Variants in CDH12 observed in about 807,000 individuals in gnomAD.
CDH12 encodes the protein cadherin 12.
In CDH12, 41 loss-of-function variants were observed where a neutral mutation model predicts 74.1. The ratio of observed to expected loss-of-function variants is 0.55; its 90% confidence interval spans 0.43 to 0.72. The LOEUF is 0.72. Ranked by LOEUF, CDH12 falls within the 30% of genes least tolerant of loss-of-function variation. CDH12 has a pLI of 0.00. For synonymous variants in CDH12, 399 were observed against 355.0 expected, an observed-to-expected ratio of 1.12 and a Z score of -1.39; for missense variants, 945 against 977.2, an observed-to-expected ratio of 0.97 and a Z score of 0.44.
chr5:22,246,923 G>C (rs1752965402), intron 3 of CDH12, among the ~76,000 whole-genome samples: 1 of 152,054 alleles, frequency 6.6e-6, no homozygotes. Context: ...AGTTGGCATT[G>C]TTTGAAGAAA....
At chr5:21,959,818 C>T (rs1191687413) in intron 6 of CDH12, among the ~76,000 whole-genome samples, 5 of 145,802 alleles carry the variant, frequency 3.4e-5, no homozygotes, top group South Asian at 2.2e-4. Flanking sequence ...CCCAGCTACT[C>T]GGGAGGCTGA....
At chr5:21,822,784 T>G (rs1748445756) in intron 8 of CDH12, among the ~76,000 whole-genome samples, 1 of 152,104 alleles carries the variant, frequency 6.6e-6, no homozygotes, top group Non-Finnish European at 1.5e-5. Context: ...TAACTAACCA[T>G]ATACATGAAT....
chr5:22,436,169 C>CA (rs1315595544), intron 2 of CDH12, among the ~76,000 whole-genome samples: 3 of 148,300 alleles, frequency 2.0e-5, no homozygotes, highest in Non-Finnish European at 3.0e-5. Flanking sequence ...ATCGCAAGGA[C>CA]AAAAAAACCA....
chr5:22,615,054 G>T (rs1737626056), intron 1 of CDH12, among the ~76,000 whole-genome samples: 1 of 151,940 alleles, frequency 6.6e-6, no homozygotes, highest in African/African-American at 2.4e-5. Flanking sequence ...TATTTACTCT[G>T]GAATTTTCCA....
intron 3 of CDH12, among the ~76,000 whole-genome samples, chr5:22,311,325 G>A (rs953995759): frequency 2.6e-5 from 4 of 152,166 alleles, no homozygotes; most frequent in Admixed American, 2.6e-4. Flanking sequence ...ATAAATTATT[G>A]ATTGGCTATA....
chr5:22,307,876 T>TTG (rs1222916983), intron 3 of CDH12, among the ~76,000 whole-genome samples: 2 of 101,706 alleles, frequency 2.0e-5, no homozygotes, highest in African/African-American at 9.2e-5. Context: ...TCTTTTAGTT[T>TTG]TTTTTTTTTT....
At chr5:22,185,039 G>T (rs1749854121) in intron 4 of CDH12, among the ~76,000 whole-genome samples, 2 of 151,756 alleles carry the variant, frequency 1.3e-5, no homozygotes, top group Non-Finnish European at 2.9e-5. Flanking sequence ...AGTGTGTGTT[G>T]TTCCTCTCTA....
intron 9 of CDH12, among the ~76,000 whole-genome samples, chr5:21,808,344 T>C (rs1203998625): frequency 2.0e-5 from 3 of 152,060 alleles, no homozygotes; most frequent in Non-Finnish European, 2.9e-5. Flanking sequence ...TTTACTCTTC[T>C]GTATTACTTC....
chr5:21,909,368 G>C (rs1411948454), intron 6 of CDH12, among the ~76,000 whole-genome samples: 1 of 152,144 alleles, frequency 6.6e-6, no homozygotes, highest in Admixed American at 6.6e-5. Flanking sequence ...AGCAGCCTCT[G>C]CTGAGATGCA....
At chr5:22,847,728 T>A (rs963091851) in intron 1 of CDH12, among the ~76,000 whole-genome samples, 1 of 152,226 alleles carries the variant, frequency 6.6e-6, no homozygotes, top group Non-Finnish European at 1.5e-5. Flanking sequence ...AAATAGTATA[T>A]CACTGGCATT....
At chr5:22,136,923 A>G (rs1746499782) in intron 4 of CDH12, among the ~76,000 whole-genome samples, 1 of 151,794 alleles carries the variant, frequency 6.6e-6, no homozygotes, top group Non-Finnish European at 1.5e-5. Flanking sequence ...AATTAATAAA[A>G]TGATTCTGGA....
At chr5:22,785,019 T>A (rs1747554647) in intron 1 of CDH12, among the ~76,000 whole-genome samples, 1 of 152,174 alleles carries the variant, frequency 6.6e-6, no homozygotes, top group Non-Finnish European at 1.5e-5. Context: ...TGAAGATAGC[T>A]TTTAATATTT....
At chr5:22,823,591 C>A (rs1749842587) in intron 1 of CDH12, among the ~76,000 whole-genome samples, 1 of 152,072 alleles carries the variant, frequency 6.6e-6, no homozygotes, top group South Asian at 2.1e-4. Context: ...TAATACAAAT[C>A]CTGATATGGT....
chr5:22,227,083 T>C (rs1300019196), intron 3 of CDH12, among the ~76,000 whole-genome samples: 1 of 152,022 alleles, frequency 6.6e-6, no homozygotes, highest in African/African-American at 2.4e-5. Context: ...GTGGGAAAAA[T>C]TGTACAAGTT....
intron 1 of CDH12, among the ~76,000 whole-genome samples, chr5:22,574,272 G>T (rs1739675594): frequency 6.6e-6 from 1 of 151,506 alleles, no homozygotes; most frequent in Non-Finnish European, 1.5e-5. Flanking sequence ...TAGAGACGGG[G>T]TTTCACCATG....
chr5:22,346,469 A>C (rs1282826790), intron 3 of CDH12, among the ~76,000 whole-genome samples: 1 of 152,198 alleles, frequency 6.6e-6, no homozygotes, highest in African/African-American at 2.4e-5. Context: ...GTCTTCACAG[A>C]CTTTGAGAGA....
intron 1 of CDH12, among the ~76,000 whole-genome samples, chr5:22,763,676 C>T (rs1746347286): frequency 6.6e-6 from 1 of 151,902 alleles, no homozygotes. Context: ...TAAAGATGGA[C>T]TCATGGGCTC....
intron 8 of CDH12, among the ~76,000 whole-genome samples, 196 bp downstream of exon 8, chr5:21,841,965 A>G (rs1749883269): frequency 6.6e-6 from 1 of 151,716 alleles, no homozygotes; most frequent in Admixed American, 6.6e-5. Context: ...ATATGTAACT[A>G]ACCTGCACAT....
At chr5:22,755,786 T>C (rs374387465) in intron 1 of CDH12, among the ~76,000 whole-genome samples, 3 of 152,076 alleles carry the variant, frequency 2.0e-5, no homozygotes, top group African/African-American at 7.2e-5. Context: ...TTTTCTTGGG[T>C]ATATACTCAT....
Sources: gnomAD v4.1 joint callset for allele counts (sites outside exome capture counted in the v4.1 genomes callset) on GRCh38, gnomAD v4.1.1 for gene constraint, MANE v1.5 for transcripts, NCBI Gene and HGNC (gene_info 2026-07-23, HGNC 2026-07-21) for gene names.